POLE: variants seen among roughly 807,000 people sequenced by gnomAD.
POLE encodes DNA polymerase epsilon catalytic subunit A.
POLE carries 188 observed loss-of-function variants against 279.2 expected under a neutral mutation model. The ratio of observed to expected loss-of-function variants is 0.67; its 90% CI spans 0.60 to 0.76. POLE has a LOEUF of 0.76. Among genes scored for constraint, POLE ranks in the 30% least tolerant of loss-of-function variants. The pLI, the probability that POLE is intolerant of heterozygous loss-of-function variation, is 0.00. For missense variants in POLE, 2,703 were observed against 3,016.7 expected (o/e 0.90, Z 2.44); for synonymous variants, 1,214 against 1,172.5 (o/e 1.04, Z -0.72).
chr12:132,672,483 G>GT (rs2135992119), intron 15 of POLE, 144 bp downstream of exon 15: 1 of 1,057,260 alleles, frequency 9.5e-7, no homozygotes, highest in African/African-American at 1.6e-5. Flanking sequence ...AAGCCCCCGG[G>GT]GGGTGCTGGG....
chr12:132,679,814 G>T, intron 5 of POLE, 140 bp downstream of exon 5: 2 of 1,010,510 alleles, frequency 2.0e-6, no homozygotes, highest in Non-Finnish European at 2.9e-6. Context: ...AGAGCTCTTT[G>T]GAAGGAATTT....
At position 132,638,109 on chromosome 12, in the gene POLE, T is replaced by G. The variant is rs5744972; in HGVS notation, c.5583A>C (p.Ser1861=). The G allele has an allele frequency of 1.6e-3, 2,615 of 1,613,930 alleles. 30 individuals carry two copies. In the African/African-American group the frequency reaches 0.031, roughly 19 times the overall value. Residue 1861 remains serine, a synonymous_variant, in exon 41 of 49, where the codon TCA becomes TCC. Coordinates refer to ENST00000320574, the MANE Select transcript of POLE (RefSeq NM_006231.4). The part of the protein sequence containing the change: ...QLIAEFKRLG[S]SVIYANFNRI... ...GGTTGAAGTTGGCGTAGATGACTGA[T>G]GACCCCAGGCGCTTGAACTCAGCGA...
At chr12:132,663,730 A>G (rs1286796428) in intron 23 of POLE, among the ~76,000 whole-genome samples, 1 of 152,254 alleles carries the variant, frequency 6.6e-6, no homozygotes, top group Non-Finnish European at 1.5e-5. Flanking sequence ...AAGGGGATAC[A>G]GAAATTCTCT....
chr12:132,675,363 A>G lies in POLE; in HGVS notation c.1226+35T>C. ...AGGCCTTCAGATCTCGCTCACGGAC[A>G]GCAGTGAGGAGCCATGCTGCTCTGT... On this transcript the variant is annotated intron_variant, in intron 12 of 48. Coordinates refer to ENST00000320574, the MANE Select transcript of POLE (RefSeq NM_006231.4). The surrounding 1 kb of genome is among the most constrained non-coding windows in gnomAD (Gnocchi z 4.3). 1.2e-6 allele frequency: 2 copies of G among 1,608,452 alleles called. No homozygotes were observed. The highest frequency in any genetic ancestry group is 1.7e-6 in the Non-Finnish European group (2 of 1,177,118).
chr12:132,664,384 C>T lies in POLE; in HGVS notation c.2547G>A (p.Leu849=). 6.2e-7 allele frequency: 1 copy of T among 1,613,928 alleles called. No individual in the cohort carries two copies. The highest frequency in any genetic ancestry group is 8.5e-7 in the Non-Finnish European group (1 of 1,179,932). ...GANIITQARE[L]IEQIGRPLEL... ...TCTGCACTCACCCAATCTGCTCGATCAGCTCCCGTGCCTGGGTGATGATGT... is the reference window on the plus strand; with the variant it reads ...TCTGCACTCACCCAATCTGCTCGATTAGCTCCCGTGCCTGGGTGATGATGT... The change falls in exon 22 of 49, where the codon CTG becomes CTA. Residue 849 remains leucine (L), a synonymous_variant. Transcript: ENST00000320574. This position sits in a 1 kb window ranked among gnomAD's most constrained non-coding sequence, Gnocchi z 5.3.
At chr12:132,662,782 TA>T in intron 23 of POLE, among the ~76,000 whole-genome samples, 1 of 151,900 alleles carries the variant, frequency 6.6e-6, no homozygotes, top group Middle Eastern at 3.2e-3. Flanking sequence ...CGCCACAAAC[TA>T]GGAGGCCCCA....
chr12:132,672,142 T>TGCTG, intron 16 of POLE, 73 bp downstream of exon 16: 1 of 1,025,404 alleles, frequency 9.8e-7, no homozygotes, highest in South Asian at 1.3e-5. Context: ...ACAATAAACG[T>TGCTG]GCTGCTGAAA....
At chr12:132,682,612 T>C (rs890590117) in intron 1 of POLE, among the ~76,000 whole-genome samples, 1 of 152,198 alleles carries the variant, frequency 6.6e-6, no homozygotes, top group Non-Finnish European at 1.5e-5. Context: ...GGAATCTCTG[T>C]ATCATTTCTG....
rs1408600144 is a variant in POLE, at chr12:132,681,140, G to T, written c.202C>A (p.Pro68Thr). Residue 68 changes from proline to threonine, a missense_variant and splice_region_variant, in exon 2 of 49, where the codon CCT (proline) becomes ACT (threonine). Physicochemically the swap from Pro to Thr is conservative, Grantham distance 38. This residue lies in a region of POLE where 1,011 missense variants were observed against 1,111.7 expected (regional missense o/e 0.91). Coordinates refer to ENST00000320574, the MANE Select transcript of POLE (RefSeq NM_006231.4). ...EKTGWLINMH[P>T]TEILDEDKRL... Reference sequence around the variant, plus strand: ...TGGGAGAAGGACCTAGTGCTTACAGGATGCATGTTAATGAGCCAGCCTGTC... The same window carrying T: ...TGGGAGAAGGACCTAGTGCTTACAGTATGCATGTTAATGAGCCAGCCTGTC... 6.8e-6 allele frequency: 11 copies of T among 1,613,978 alleles called. No individual in the cohort carries two copies. The highest frequency in any genetic ancestry group is 1.7e-5 in the Admixed American group (1 of 60,022).
rs2135974495 is a variant in POLE, at chr12:132,668,365, T to G, written c.2164A>C (p.Arg722=). The stretch of plus-strand genomic sequence containing the variant: ...ATGCCCAGGCACTCACCCGCCAGCC[T>G]TCTCTTCTCGTATTTCGCCTGTTCC... The part of the protein sequence containing the change: ...REEQAKYEKR[R]LADYCRKAYK... Residue 722 remains arginine, a synonymous_variant, in exon 19 of 49, where the codon AGG becomes CGG. Transcript: ENST00000320574. The surrounding 1 kb of genome is among the most constrained non-coding windows in gnomAD (Gnocchi z 4.0). 3 of 1,577,328 alleles carry G rather than the reference T, an allele frequency of 1.9e-6. No individual in the cohort carries two copies. Among genetic ancestry groups the G allele is most frequent in the Non-Finnish European group, 2.6e-6 (3 of 1,160,680 alleles).
rs1251654299 is a variant in POLE at position 132,643,220 on chromosome 12, TCA to T, written c.4551+2_4551+3del. ...TGTGCTGCCATGGAGGGCCCAGGAC[TCA>T]CAGTGTCCAGCACAAAGACGGATGC... On this transcript the variant is annotated splice_donor_variant and splice_donor_region_variant and intron_variant, in intron 35 of 48. Transcript: ENST00000320574. LOFTEE classifies it high-confidence loss of function. 5 of 1,612,118 alleles carry T rather than the reference TCA, an allele frequency of 3.1e-6. No homozygotes were observed. The highest frequency in any genetic ancestry group is 4.2e-6 in the Non-Finnish European group (5 of 1,178,784).
chr12:132,637,255 A>G (rs1287178663), intron 41 of POLE, among the ~76,000 whole-genome samples: 1 of 152,228 alleles, frequency 6.6e-6, no homozygotes, highest in African/African-American at 2.4e-5. Context: ...AAGGCCTATT[A>G]TCAATTTAGT....
chr12:132,686,921 G>A (rs1285569333), intron 1 of POLE, among the ~76,000 whole-genome samples: 1 of 151,110 alleles, frequency 6.6e-6, no homozygotes, highest in Non-Finnish European at 1.5e-5. Context: ...GCCTGGCCCG[G>A]GTCCCGCCGC....
intron 23 of POLE, among the ~76,000 whole-genome samples, chr12:132,662,413 G>A (rs1246911179): frequency 2.6e-5 from 4 of 152,208 alleles, no homozygotes; most frequent in Admixed American, 6.5e-5. Flanking sequence ...TGAGAAATTC[G>A]AAACAGGTTT....
rs1181787446 is a variant in POLE at position 132,672,712 on chromosome 12, A to T, written c.1601T>A (p.Leu534Gln). ...FNKLTDDGHV[L>Q]DSETYVGGHV... ...GCCCCCGACGTAGGTCTCAGAGTCC[A>T]GCACGTGTCCGTCGTCCGTCAGCTT... The change falls in exon 15 of 49, where the codon CTG becomes CAG. Residue 534 changes from leucine (L) to glutamine (Q), a missense_variant. Leu to Gln is a moderately radical substitution (Grantham distance 113). Transcript: ENST00000320574. The T allele has an allele frequency of 6.2e-7, 1 of 1,614,192 alleles. No individual in the cohort carries two copies. The highest frequency in any genetic ancestry group is 1.7e-5 in the Admixed American group (1 of 60,038).
chr12:132,642,077 A>G, intron 38 of POLE, 100 bp downstream of exon 38: 1 of 1,179,042 alleles, frequency 8.5e-7, no homozygotes, highest in South Asian at 1.5e-5. Flanking sequence ...TGCGCGGTCG[A>G]ACTCTGAGCC....
chr12:132,654,570 ACT>A (rs1430325263), intron 29 of POLE, among the ~76,000 whole-genome samples: 3 of 152,062 alleles, frequency 2.0e-5, no homozygotes, highest in African/African-American at 7.2e-5. Context: ...AAAATAAAAA[ACT>A]CTGTCCTGAA....
chr12:132,676,539 T>C lies in POLE; in HGVS notation c.909+7A>G, dbSNP rs1451503911. On this transcript the variant is annotated splice_region_variant and intron_variant, in intron 9 of 48. Transcript: ENST00000320574. Reference sequence around the variant, plus strand: ...AGGAGCTTACTTCCCAGAAGCCACCTGCTCACCTGGCCATCGATCATGTAG... The same window carrying C: ...AGGAGCTTACTTCCCAGAAGCCACCCGCTCACCTGGCCATCGATCATGTAG... 1 of 1,598,452 alleles carries C rather than the reference T, an allele frequency of 6.3e-7. No individual in the cohort carries two copies. Among genetic ancestry groups the C allele is most frequent in the Admixed American group, 1.7e-5 (1 of 60,010 alleles).
rs1234183382 is a variant in POLE at position 132,672,742 on chromosome 12, A to G, written c.1571T>C (p.Phe524Ser). The change falls in exon 15 of 49, where the codon TTC (phenylalanine) becomes TCC (serine). Residue 524 changes from phenylalanine (F) to serine (S), a missense_variant. Phe to Ser is a radical substitution (Grantham distance 155). Transcript: ENST00000320574. The stretch of plus-strand genomic sequence containing the variant: ...GTGTCCGTCGTCCGTCAGCTTATTG[A>G]ACTCCTGCTCTTGCTTGTTGGGGAA... ...IIFPNKQEQE[F>S]NKLTDDGHVL... The G allele has an allele frequency of 6.2e-7, 1 of 1,614,158 alleles. No homozygotes were observed. Among genetic ancestry groups the G allele is most frequent in the Non-Finnish European group, 8.5e-7 (1 of 1,180,022 alleles).
Sources: gnomAD v4.1 joint callset for allele counts (sites outside exome capture counted in the v4.1 genomes callset) on GRCh38, gnomAD v4.1.1 for gene constraint, gnomAD v4.1.1 regional missense constraint, Gnocchi (gnomAD v3.1) non-coding constraint, MANE v1.5 for transcripts, NCBI Gene and HGNC (gene_info 2026-07-23, HGNC 2026-07-21) for gene names.